Variants in GRID2 observed in about 807,000 individuals in gnomAD.
The protein encoded by GRID2 is glutamate receptor ionotropic, delta-2.
A neutral mutation model predicts 114.8 loss-of-function variants in GRID2; 33 were observed. The ratio of observed to expected loss-of-function variants is 0.29; its 90% CI spans 0.22 to 0.38. GRID2 has a LOEUF of 0.38. GRID2 is among the 10% of genes least tolerant of loss of function. GRID2 has a pLI of 1.00. For synonymous variants in GRID2, 505 were observed against 449.9 expected (o/e 1.12, Z -1.55); for missense variants, 1,184 against 1,257.7 (o/e 0.94, Z 0.89).
At chr4:93,675,846 G>C (rs75385829) in intron 14 of GRID2, among the ~76,000 whole-genome samples, 1 of 152,140 alleles carries the variant, frequency 6.6e-6, no homozygotes, top group African/African-American at 2.4e-5. Flanking sequence ...AAGCATTATA[G>C]TGTAAGGAAT....
At chr4:93,593,252 G>T (rs879864091) in intron 13 of GRID2, among the ~76,000 whole-genome samples, 1 of 144,870 alleles carries the variant, frequency 6.9e-6, no homozygotes, top group Non-Finnish European at 1.5e-5. Context: ...CAGGCCTGGT[G>T]GTGACAAAAT....
At chr4:93,072,599 T>C (rs184826312) in intron 2 of GRID2, among the ~76,000 whole-genome samples, 3 of 152,070 alleles carry the variant, frequency 2.0e-5, no homozygotes, top group South Asian at 2.1e-4. Flanking sequence ...CCCATTTTTA[T>C]GTGGATTTTT....
intron 14 of GRID2, among the ~76,000 whole-genome samples, chr4:93,720,016 T>A (rs1236444897): frequency 1.3e-5 from 2 of 152,222 alleles, no homozygotes; most frequent in Non-Finnish European, 2.9e-5. Flanking sequence ...TGATGAAGTC[T>A]GTTTCATCAT....
At chr4:92,968,683 A>G (rs1753309329) in intron 2 of GRID2, among the ~76,000 whole-genome samples, 1 of 151,796 alleles carries the variant, frequency 6.6e-6, no homozygotes, top group Non-Finnish European at 1.5e-5. Context: ...GTAATTTTAG[A>G]ACAGTTTTTC....
At chr4:92,947,302 T>C (rs951076039) in intron 2 of GRID2, among the ~76,000 whole-genome samples, 1 of 152,030 alleles carries the variant, frequency 6.6e-6, no homozygotes, top group Admixed American at 6.6e-5. Flanking sequence ...GTATGCCCAA[T>C]ATTTATGAGT....
At chr4:92,882,376 G>A (rs1746090918) in intron 2 of GRID2, among the ~76,000 whole-genome samples, 2 of 152,146 alleles carry the variant, frequency 1.3e-5, no homozygotes, top group African/African-American at 4.8e-5. Flanking sequence ...TGTACAGAAA[G>A]CATATTTTAC....
intron 2 of GRID2, among the ~76,000 whole-genome samples, chr4:92,663,773 T>C (rs1732635319): frequency 6.6e-6 from 1 of 151,044 alleles, no homozygotes; most frequent in African/African-American, 2.4e-5. Flanking sequence ...ACTGAAACTC[T>C]ATCCCATTAA....
At position 92,886,946 on chromosome 4, in the gene GRID2, G is replaced by T. The variant is rs189948341; in HGVS notation, c.245-198049G>T. Among the ~76,000 whole-genome samples the T allele has an allele frequency of 4.4e-3, 660 of 151,448 alleles. 2 individuals are homozygous for T. Among genetic ancestry groups the T allele is most frequent in the Middle Eastern group, 0.01 (3 of 292 alleles). ...GGCCCTTACCTTGCTATTATTTTTT[G>T]GGGGAAAAAAAAAACTGTTGAAATC... On this transcript the variant is annotated intron_variant, in intron 2 of 15. Transcript: ENST00000282020.
At position 92,949,548 on chromosome 4, in the gene GRID2, T is replaced by C. The variant is rs1411645480; in HGVS notation, c.245-135447T>C. On this transcript the variant is annotated intron_variant, in intron 2 of 15. Transcript: ENST00000282020. ...AATTGACATAGTTCAGAAAGGGAGC[T>C]AAATGTGCCTCCACTGTGATAAGAA... 5.3e-5 allele frequency among the ~76,000 whole-genome samples: 8 copies of C among 151,656 alleles called. No homozygotes were observed. The Admixed American group carries it at 5.3e-4, about 10-fold the overall frequency.
chr4:92,807,734 A>T (rs562689875), intron 2 of GRID2, among the ~76,000 whole-genome samples: 10 of 152,108 alleles, frequency 6.6e-5, no homozygotes, highest in African/African-American at 2.4e-4. Flanking sequence ...CAGGGGTAGG[A>T]TATCATTATA....
intron 9 of GRID2, among the ~76,000 whole-genome samples, chr4:93,417,825 T>C (rs1767873120): frequency 2.6e-5 from 4 of 151,866 alleles, no homozygotes; most frequent in Admixed American, 2.6e-4. Context: ...ACTGCATCAA[T>C]GTACCACAAT....
chr4:93,582,465 G>A (rs1737078780), intron 13 of GRID2, among the ~76,000 whole-genome samples: 1 of 152,092 alleles, frequency 6.6e-6, no homozygotes, highest in Non-Finnish European at 1.5e-5. Flanking sequence ...ATATTGGAGT[G>A]GGATAAAGCA....
intron 11 of GRID2, among the ~76,000 whole-genome samples, chr4:93,488,908 T>A (rs1331159897): frequency 6.6e-6 from 1 of 151,962 alleles, no homozygotes; most frequent in Non-Finnish European, 1.5e-5. Context: ...AATCTCACTA[T>A]ACCTTGATTA....
At chr4:93,629,680 G>C (rs1743070893) in intron 14 of GRID2, among the ~76,000 whole-genome samples, 1 of 151,824 alleles carries the variant, frequency 6.6e-6, no homozygotes, top group South Asian at 2.1e-4. Context: ...TAGTATACTA[G>C]GTGATTTTTA....
intron 13 of GRID2, among the ~76,000 whole-genome samples, chr4:93,519,373 G>C (rs183865059): frequency 1.1e-3 from 175 of 152,238 alleles, no homozygotes; most frequent in African/African-American, 4.2e-3. Context: ...CTCTTAAAAC[G>C]CAAATACATC....
chr4:93,483,686 G>A (rs1169690349), intron 11 of GRID2, among the ~76,000 whole-genome samples: 1 of 151,912 alleles, frequency 6.6e-6, no homozygotes. Flanking sequence ...ACAGTAGCAA[G>A]GTTAATGTAG....
At chr4:93,778,484 C>T (rs1214921467), downstream of GRID2, among the ~76,000 whole-genome samples, 1 of 143,496 alleles carries the variant, frequency 7.0e-6, no homozygotes, top group Non-Finnish European at 1.5e-5. Context: ...GGAACCTTTG[C>T]CTCCTAGGCT....
intron 11 of GRID2, among the ~76,000 whole-genome samples, chr4:93,482,672 G>T (rs2149448623): frequency 6.6e-6 from 1 of 151,912 alleles, no homozygotes. Flanking sequence ...TGCACATTCT[G>T]CACGTGTATC....
At chr4:93,366,990 C>G (rs1441650267) in intron 8 of GRID2, among the ~76,000 whole-genome samples, 1 of 151,838 alleles carries the variant, frequency 6.6e-6, no homozygotes, top group African/African-American at 2.4e-5. Flanking sequence ...AGGAATTATA[C>G]AACATAAAGA....
Sources: allele counts gnomAD v4.1 joint callset (sites outside exome capture counted in the v4.1 genomes callset), GRCh38; gene constraint gnomAD v4.1.1; transcripts MANE v1.5; gene names NCBI Gene and HGNC (gene_info 2026-07-23, HGNC 2026-07-21).